C8A: variants seen among roughly 807,000 people sequenced by gnomAD.
C8A encodes the protein complement C8 alpha chain.
Under a neutral mutation model 65.3 loss-of-function variants are expected in C8A, and 67 were observed. The observed-to-expected ratio is 1.03, with a 90% CI of 0.84 to 1.26. The LOEUF (loss-of-function observed/expected upper bound fraction) is 1.26, where lower values mean the gene tolerates loss of function less well. C8A is among the 50% of genes most tolerant of loss of function. The pLI, the probability that C8A is intolerant of heterozygous loss-of-function variation, is 0.00. For missense variants in C8A, 781 were observed against 723.9 expected, an observed-to-expected ratio of 1.08 and a Z score of -0.90; for synonymous variants, 290 against 259.4, an observed-to-expected ratio of 1.12 and a Z score of -1.13.
intron 1 of C8A, among the ~76,000 whole-genome samples, chr1:56,855,848 G>T (rs950141130): frequency 6.6e-6 from 1 of 152,014 alleles, no homozygotes; most frequent in Admixed American, 6.6e-5. Flanking sequence ...TTAAGTAACA[G>T]TTCAGAAGGG....
intron 6 of C8A, among the ~76,000 whole-genome samples, chr1:56,884,568 G>A (rs1157604824): frequency 2.0e-5 from 3 of 152,094 alleles, no homozygotes; most frequent in Non-Finnish European, 4.4e-5. Context: ...ATTAGCTATT[G>A]AGCTGAAGGT....
intron 5 of C8A, among the ~76,000 whole-genome samples, chr1:56,882,682 A>T (rs955342979): frequency 1.3e-5 from 2 of 152,152 alleles, no homozygotes; most frequent in Non-Finnish European, 2.9e-5. Context: ...TATCAGGCCA[A>T]TGGTAAATCA....
chr1:56,858,939 G>A (rs1345168864), intron 1 of C8A, among the ~76,000 whole-genome samples: 1 of 152,196 alleles, frequency 6.6e-6, no homozygotes, highest in Non-Finnish European at 1.5e-5. Flanking sequence ...CTATGAAATG[G>A]AGATAATACA....
intron 7 of C8A, among the ~76,000 whole-genome samples, chr1:56,894,460 C>T (rs1644373156): frequency 6.6e-6 from 1 of 152,150 alleles, no homozygotes; most frequent in Non-Finnish European, 1.5e-5. Flanking sequence ...TCCATCATCC[C>T]TGGCCCTGAT....
intron 10 of C8A, among the ~76,000 whole-genome samples, chr1:56,914,904 C>G (rs1644539219): frequency 6.6e-6 from 1 of 152,142 alleles, no homozygotes; most frequent in Non-Finnish European, 1.5e-5. Context: ...TCTCGAACTC[C>G]TAGTCTCAAG....
At chr1:56,860,562 G>A (rs17114468) in intron 1 of C8A, among the ~76,000 whole-genome samples, 2,624 of 152,250 alleles carry the variant, frequency 0.017, 55 homozygotes, top group East Asian at 0.077. Context: ...TAAAGTAGAA[G>A]AAGGTCTTGG....
intron 8 of C8A, 87 bp downstream of exon 8, chr1:56,906,879 C>A: frequency 6.6e-7 from 1 of 1,512,454 alleles, no homozygotes; most frequent in Non-Finnish European, 9.2e-7. Context: ...TTTTTTTTCC[C>A]AGTTGATTGC....
chr1:56,890,791 G>T (rs1308038768), intron 7 of C8A, among the ~76,000 whole-genome samples: 1 of 151,970 alleles, frequency 6.6e-6, no homozygotes, highest in Non-Finnish European at 1.5e-5. Flanking sequence ...TATCATTTGG[G>T]CCTCCTTAAG....
At chr1:56,913,248 A>G (rs1644524507) in intron 10 of C8A, among the ~76,000 whole-genome samples, 2 of 152,180 alleles carry the variant, frequency 1.3e-5, no homozygotes, top group South Asian at 2.1e-4. Context: ...ATCTGCAAAG[A>G]TCCTATTTCC....
At chr1:56,887,688 G>T (rs1009510658) in intron 7 of C8A, among the ~76,000 whole-genome samples, 9 of 152,108 alleles carry the variant, frequency 5.9e-5, no homozygotes, top group Admixed American at 1.3e-4. Flanking sequence ...GCACATGTAG[G>T]TTTACTGCAG....
intron 5 of C8A, among the ~76,000 whole-genome samples, chr1:56,882,061 A>G (rs856842): frequency 7.9e-5 from 12 of 152,034 alleles, no homozygotes; most frequent in African/African-American, 2.9e-4. Context: ...CTTTTGTTTC[A>G]CCAAAGGCAG....
Position 56,917,560 on chromosome 1 carries a change from T to C in C8A, c.1604-5T>C. 1 of 1,614,114 alleles carries C rather than the reference T, an allele frequency of 6.2e-7. No individual in the cohort carries two copies. On this transcript the variant is annotated splice_polypyrimidine_tract_variant and splice_region_variant and intron_variant, in intron 10 of 10. Transcript: ENST00000361249. ...CTTCTCCTCCCTGGGAAATTTCCTC[T>C]GCAGGAGCCAAAGCAGATGGGAGCT...
intron 7 of C8A, among the ~76,000 whole-genome samples, chr1:56,887,246 A>G (rs974998716): frequency 1.3e-5 from 2 of 152,176 alleles, no homozygotes; most frequent in African/African-American, 4.8e-5. Context: ...GTCAAGTGGT[A>G]CTTCTGGTTC....
intron 7 of C8A, among the ~76,000 whole-genome samples, chr1:56,895,045 T>A (rs761911015): frequency 6.6e-6 from 1 of 152,184 alleles, no homozygotes; most frequent in Non-Finnish European, 1.5e-5. Flanking sequence ...AATTATATTG[T>A]TATTTTCCCC....
chr1:56,910,276 T>C lies in C8A; in HGVS notation c.1381-2127T>C, dbSNP rs1039406705. Reference sequence around the variant, plus strand: ...TTTTGTTATGTTGTGTTGTGTGATATATTATTATGCATTATCTTGTGTTGC... The same window carrying C: ...TTTTGTTATGTTGTGTTGTGTGATACATTATTATGCATTATCTTGTGTTGC... On this transcript the variant is annotated intron_variant, in intron 9 of 10. Coordinates refer to ENST00000361249, the MANE Select transcript of C8A (RefSeq NM_000562.3). Among the ~76,000 whole-genome samples, 10 of 152,350 alleles carry C rather than the reference T, an allele frequency of 6.6e-5. No individual in the cohort carries two copies. In the South Asian group the frequency reaches 8.3e-4, roughly 13 times the overall value.
At chr1:56,908,380 A>G (rs1644483256) in intron 9 of C8A, among the ~76,000 whole-genome samples, 2 of 152,200 alleles carry the variant, frequency 1.3e-5, no homozygotes, top group South Asian at 4.1e-4. Flanking sequence ...GCATTAGGTC[A>G]CATTAGGCAA....
At chr1:56,907,396 A>G (rs1256281377) in intron 8 of C8A, among the ~76,000 whole-genome samples, 1 of 152,142 alleles carries the variant, frequency 6.6e-6, no homozygotes, top group Non-Finnish European at 1.5e-5. Flanking sequence ...GCATTAGGTT[A>G]CCTGTACCTC....
intron 7 of C8A, among the ~76,000 whole-genome samples, chr1:56,897,542 G>T (rs1205231459): frequency 6.6e-6 from 1 of 152,184 alleles, no homozygotes; most frequent in East Asian, 1.9e-4. Flanking sequence ...AGGGCTCTTG[G>T]GCTGTGTATT....
chr1:56,901,130 T>C (rs1644423500), intron 7 of C8A, among the ~76,000 whole-genome samples: 1 of 152,040 alleles, frequency 6.6e-6, no homozygotes, highest in Non-Finnish European at 1.5e-5. Flanking sequence ...AGCTAACACC[T>C]CCCAACTAGC....
Sources: gnomAD v4.1 joint callset for allele counts (sites outside exome capture counted in the v4.1 genomes callset) on GRCh38, gnomAD v4.1.1 for gene constraint, MANE v1.5 for transcripts, NCBI Gene and HGNC (gene_info 2026-07-23, HGNC 2026-07-21) for gene names.